The following ANKRD30B variants were observed in gnomAD, a reference collection of about 807,000 sequenced individuals.
The protein encoded by ANKRD30B is ankyrin repeat domain 30B, also known as ankyrin repeat domain-containing protein 30B.
A neutral mutation model predicts 202.2 loss-of-function variants in ANKRD30B; 144 were observed. That is an observed-to-expected ratio of 0.71 (90% confidence interval 0.62 to 0.82). The LOEUF (loss-of-function observed/expected upper bound fraction) is 0.82. ANKRD30B is among the 40% of genes least tolerant of loss of function. The probability of loss-of-function intolerance (pLI) is 0.00; values close to 1 mark genes in which losing one functional copy is unlikely to be tolerated. For missense variants in ANKRD30B, 1,487 were observed against 1,669.1 expected, an observed-to-expected ratio of 0.89 and a Z score of 1.90; for synonymous variants, 508 against 561.3, an observed-to-expected ratio of 0.91 and a Z score of 1.34.
chr18:14,789,526 C>T (rs1479502406), intron 15 of ANKRD30B, among the ~76,000 whole-genome samples: 1 of 152,110 alleles, frequency 6.6e-6, no homozygotes, highest in Non-Finnish European at 1.5e-5. Context: ...GGTTTTAAGT[C>T]TAACGTTTAA....
the ANKRD30B span, among the ~76,000 whole-genome samples, chr18:14,893,543 G>A: frequency 5.9e-5 from 9 of 152,162 alleles, no homozygotes; most frequent in Non-Finnish European, 8.8e-5. Context: ...CCTGGGATGC[G>A]GAGGTTGCAG....
intron 32 of ANKRD30B, among the ~76,000 whole-genome samples, chr18:14,825,438 A>G (rs1280896505): frequency 6.6e-6 from 1 of 152,126 alleles, no homozygotes; most frequent in East Asian, 1.9e-4. Context: ...TAAGATTGCC[A>G]ACCCCCAGTA....
the ANKRD30B span, among the ~76,000 whole-genome samples, chr18:14,866,030 TGA>T: frequency 1.3e-5 from 2 of 152,056 alleles, no homozygotes; most frequent in Non-Finnish European, 2.9e-5. Context: ...TCTGATTGGA[TGA>T]AAGAAAGTCT....
chr18:14,867,241 A>G, the ANKRD30B span, among the ~76,000 whole-genome samples: 1 of 141,460 alleles, frequency 7.1e-6, no homozygotes, highest in Non-Finnish European at 1.5e-5. Context: ...TGGGGGTGCT[A>G]TCAGGGTAAC....
chr18:14,846,668 T>C (rs1257760745), intron 39 of ANKRD30B, among the ~76,000 whole-genome samples: 3 of 152,132 alleles, frequency 2.0e-5, no homozygotes, highest in Non-Finnish European at 4.4e-5. Flanking sequence ...CCTTTGTCAC[T>C]ATAAAATCAC....
chr18:14,764,573 T>C (rs1259128162), intron 7 of ANKRD30B, among the ~76,000 whole-genome samples: 3 of 151,972 alleles, frequency 2.0e-5, no homozygotes, highest in Non-Finnish European at 4.4e-5. Flanking sequence ...TTTTGTATTT[T>C]TAGTAGAGAC....
chr18:14,780,995 G>A (rs1202768740), intron 11 of ANKRD30B, among the ~76,000 whole-genome samples: 1 of 152,254 alleles, frequency 6.6e-6, no homozygotes, highest in Non-Finnish European at 1.5e-5. Context: ...ACTGTGGAAA[G>A]ACACAGGAAG....
intron 26 of ANKRD30B, among the ~76,000 whole-genome samples, 179 bp from the exon 27 acceptor site, chr18:14,809,807 G>T (rs1969801990): frequency 6.6e-6 from 1 of 150,946 alleles, no homozygotes; most frequent in Admixed American, 6.6e-5. Context: ...AATAGTTTCA[G>T]GGAGTCTTCC....
intron 14 of ANKRD30B, among the ~76,000 whole-genome samples, chr18:14,786,385 ACT>A (rs1019864179): frequency 2.0e-5 from 3 of 152,168 alleles, no homozygotes; most frequent in Non-Finnish European, 4.4e-5. Context: ...TCACAAGCTG[ACT>A]CTGAAGATAT....
intron 1 of ANKRD30B, 71 bp from the exon 2 acceptor site, chr18:14,752,495 A>G: frequency 8.8e-7 from 1 of 1,135,536 alleles, no homozygotes; most frequent in South Asian, 1.5e-5. Context: ...TAATGTTTAC[A>G]ATTACCTAAA....
the ANKRD30B span, among the ~76,000 whole-genome samples, chr18:14,896,881 T>A: frequency 7.1e-6 from 1 of 140,890 alleles, no homozygotes; most frequent in Non-Finnish European, 1.5e-5. Flanking sequence ...TGGATATTAA[T>A]AAATATATAC....
intron 16 of ANKRD30B, among the ~76,000 whole-genome samples, chr18:14,795,597 T>C (rs2143959188): frequency 6.6e-6 from 1 of 152,340 alleles, no homozygotes; most frequent in African/African-American, 2.4e-5. Flanking sequence ...GTAAAAATAC[T>C]CCTATTTCAC....
chr18:14,749,876 G>A (rs1913150587), intron 1 of ANKRD30B, among the ~76,000 whole-genome samples: 2 of 151,756 alleles, frequency 1.3e-5, no homozygotes, highest in Admixed American at 1.3e-4. Flanking sequence ...GAATTATTAG[G>A]AAAAGAATTA....
chr18:14,789,955 G>T (rs147762564), intron 15 of ANKRD30B, among the ~76,000 whole-genome samples: 2,354 of 152,226 alleles, frequency 0.015, 63 homozygotes, highest in African/African-American at 0.054. Context: ...AATGGGGATG[G>T]CACTGAATCT....
At chr18:14,904,063 A>G in the ANKRD30B span, among the ~76,000 whole-genome samples, 2 of 152,200 alleles carry the variant, frequency 1.3e-5, no homozygotes, top group Non-Finnish European at 2.9e-5. Context: ...TAACACCTGT[A>G]TAATCCTGAG....
At chr18:14,843,285 G>A (rs1228227810) in intron 39 of ANKRD30B, among the ~76,000 whole-genome samples, 189 bp downstream of exon 39, 1 of 152,082 alleles carries the variant, frequency 6.6e-6, no homozygotes. Context: ...TTTTTAAAAA[G>A]TAGCTTTAAT....
chr18:14,928,918 C>T, the ANKRD30B span, among the ~76,000 whole-genome samples: 1 of 152,294 alleles, frequency 6.6e-6, no homozygotes, highest in East Asian at 1.9e-4. Context: ...GGTCATGCGT[C>T]TCTATTCTTC....
Position 14,779,918 on chromosome 18 carries a change from A to G in ANKRD30B, c.1421-42A>G, listed in dbSNP as rs555576495. ...TGTATATGTTTTTAAAATTTATAAT[A>G]AGGAATGCTCTCATGAATGTATCTG... On this transcript the variant is annotated intron_variant, in intron 10 of 43. Coordinates refer to ENST00000690538, the MANE Select transcript of ANKRD30B (RefSeq NM_001367607.2). The G allele has an allele frequency of 2.2e-6, 3 of 1,348,194 alleles. No individual in the cohort carries two copies. The East Asian group carries it at 7.0e-5, about 31-fold the overall frequency. 83.5% of individuals were successfully genotyped at this position (1,348,194 alleles called of 1,614,324 possible). A position where few individuals can be genotyped will look rare whatever the true frequency, so the allele number is the denominator to read the frequency against.
chr18:14,862,003 T>C, the ANKRD30B span, among the ~76,000 whole-genome samples: 1 of 152,186 alleles, frequency 6.6e-6, no homozygotes, highest in African/African-American at 2.4e-5. Flanking sequence ...CAGAGGTACA[T>C]GGAAACTAAA....
Sources: gnomAD v4.1 joint callset for allele counts (sites outside exome capture counted in the v4.1 genomes callset) on GRCh38, gnomAD v4.1.1 for gene constraint, MANE v1.5 for transcripts, NCBI Gene and HGNC (gene_info 2026-07-23, HGNC 2026-07-21) for gene names.